AGAP1: variants seen among roughly 807,000 people sequenced by gnomAD.
AGAP1 encodes ArfGAP with GTPase domain, ankyrin repeat and PH domain 1.
In AGAP1, 29 loss-of-function variants were observed where a neutral mutation model predicts 105.3. The ratio of observed to expected loss-of-function variants is 0.28; its 90% CI spans 0.21 to 0.38. The LOEUF (loss-of-function observed/expected upper bound fraction) is 0.38, where lower values mean the gene tolerates loss of function less well. Ranked by LOEUF, AGAP1 falls within the 10% of genes least tolerant of loss-of-function variation. The pLI is 1.00. For missense variants in AGAP1, 998 were observed against 1,165.1 expected (o/e 0.86, Z 2.09); for synonymous variants, 509 against 485.9 (o/e 1.05, Z -0.63).
chr2:236,092,549 G>A lies in AGAP1; in HGVS notation c.2115-27643G>A, dbSNP rs961494203. ...GCTGGGATTACAGGTGTCCGCCACC[G>A]TGCCCAGCTAATTTTTGTATTTTTA... On this transcript the variant is annotated intron_variant, in intron 16 of 17. Coordinates refer to ENST00000304032, the MANE Select transcript of AGAP1 (RefSeq NM_001037131.3). The surrounding 1 kb of genome is among the most constrained non-coding windows in gnomAD (Gnocchi z 4.7). 2.6e-5 allele frequency among the ~76,000 whole-genome samples: 4 copies of A among 151,976 alleles called. No individual in the cohort carries two copies. The highest frequency in any genetic ancestry group is 6.6e-5 in the Admixed American group (1 of 15,258).
At position 235,690,959 on chromosome 2, in the gene AGAP1, A is replaced by G. The variant is rs1379733890; in HGVS notation, c.164-18220A>G. Reference sequence around the variant, plus strand: ...TCGTGGCTGCTATTTTAGATATGCCAGGAGCCTTCTTGGAAGTCGCTCACC... The same window carrying G: ...TCGTGGCTGCTATTTTAGATATGCCGGGAGCCTTCTTGGAAGTCGCTCACC... On this transcript the variant is annotated intron_variant, in intron 1 of 17. Coordinates refer to ENST00000304032, the MANE Select transcript of AGAP1 (RefSeq NM_001037131.3). The surrounding 1 kb of genome is among the most constrained non-coding windows in gnomAD (Gnocchi z 4.1). 6.6e-6 allele frequency among the ~76,000 whole-genome samples: 1 copy of G among 152,170 alleles called. No individual in the cohort carries two copies. The highest frequency in any genetic ancestry group is 2.4e-5 in the African/African-American group (1 of 41,440).
chr2:236,008,799 TG>T (rs1559186517), intron 13 of AGAP1, among the ~76,000 whole-genome samples: 1 of 152,244 alleles, frequency 6.6e-6, no homozygotes, highest in Non-Finnish European at 1.5e-5. Flanking sequence ...TCATATTTGC[TG>T]TAAAGAAAGA....
intron 9 of AGAP1, among the ~76,000 whole-genome samples, chr2:235,817,236 T>A (rs531922773): frequency 6.6e-6 from 1 of 152,162 alleles, no homozygotes; most frequent in South Asian, 2.1e-4. Context: ...GACTGTGCAC[T>A]CTGTCCCAAG....
rs1452198859 is a variant in AGAP1, at chr2:235,855,927, C to A, written c.1051-27418C>A. On this transcript the variant is annotated intron_variant, in intron 9 of 17. Transcript: ENST00000304032. This position sits in a 1 kb window ranked among gnomAD's most constrained non-coding sequence, Gnocchi z 5.0. ...TTATTATCATTATTATTATTATTTT[C>A]TTTTGAGATGGAGTCTCGCTCTGTC... Among the ~76,000 whole-genome samples the A allele has an allele frequency of 6.6e-6, 1 of 151,876 alleles. No homozygotes were observed. The highest frequency in any genetic ancestry group is 1.5e-5 in the Non-Finnish European group (1 of 67,970).
rs535076203 is a variant in AGAP1 at position 235,961,309 on chromosome 2, C to G, written c.1484-7153C>G. On this transcript the variant is annotated intron_variant, in intron 12 of 17. Transcript: ENST00000304032. This position sits in a 1 kb window ranked among gnomAD's most constrained non-coding sequence, Gnocchi z 5.9. The stretch of plus-strand genomic sequence containing the variant: ...TGGAGTCTAAAACTTCCTGGTGTCC[C>G]TTCTGCCTGCCTAGCAGAACCCCTC... Among the ~76,000 whole-genome samples the G allele has an allele frequency of 6.6e-6, 1 of 152,318 alleles. No homozygotes were observed. The highest frequency in any genetic ancestry group is 2.1e-4 in the South Asian group (1 of 4,830).
At chr2:235,722,310 T>G (rs1951426796) in intron 3 of AGAP1, among the ~76,000 whole-genome samples, 1 of 152,212 alleles carries the variant, frequency 6.6e-6, no homozygotes. Context: ...TTCTGCAGAC[T>G]TTGAGGTTGA....
Position 235,889,646 on chromosome 2 carries a change from C to T in AGAP1, c.1155+6197C>T, listed in dbSNP as rs1425861741. ...GTTCCTTTGACTTGCAGCTCAGCCT[C>T]ACTCTGTCCTTTACTTAGGACATAA... is the stretch of plus-strand genomic sequence containing the variant. On this transcript the variant is annotated intron_variant, in intron 10 of 17. Coordinates refer to ENST00000304032, the MANE Select transcript of AGAP1 (RefSeq NM_001037131.3). The surrounding 1 kb of genome is among the most constrained non-coding windows in gnomAD (Gnocchi z 4.6). 6.6e-6 allele frequency among the ~76,000 whole-genome samples: 1 copy of T among 151,672 alleles called. No individual in the cohort carries two copies. Among genetic ancestry groups the T allele is most frequent in the Non-Finnish European group, 1.5e-5 (1 of 68,002 alleles).
intron 13 of AGAP1, among the ~76,000 whole-genome samples, chr2:236,017,406 A>G (rs893054437): frequency 8.5e-5 from 13 of 152,160 alleles, no homozygotes; most frequent in African/African-American, 2.9e-4. Flanking sequence ...TTCACTGTCT[A>G]TAAAGTGACC....
Position 235,719,453 on chromosome 2 carries a change from T to C in AGAP1, c.310+1809T>C, listed in dbSNP as rs1430403707. On this transcript the variant is annotated intron_variant, in intron 3 of 17. Transcript: ENST00000304032. The surrounding 1 kb of genome is among the most constrained non-coding windows in gnomAD (Gnocchi z 4.9). ...ATGTTGACTCACACCAAAGCATTTC[T>C]CTTGAACGTTTATACATCAAAAGGA... Among the ~76,000 whole-genome samples, 1 of 152,218 alleles carries C rather than the reference T, an allele frequency of 6.6e-6. No homozygotes were observed. The highest frequency in any genetic ancestry group is 2.4e-5 in the African/African-American group (1 of 41,460).
At chr2:235,735,853 A>G (rs545488066) in intron 3 of AGAP1, among the ~76,000 whole-genome samples, 2 of 152,122 alleles carry the variant, frequency 1.3e-5, no homozygotes, top group African/African-American at 4.8e-5. Flanking sequence ...TACATTGCAC[A>G]TTGCACTTGA....
At chr2:235,687,374 G>A (rs538393726) in intron 1 of AGAP1, among the ~76,000 whole-genome samples, 4 of 152,230 alleles carry the variant, frequency 2.6e-5, no homozygotes, top group South Asian at 4.1e-4. Flanking sequence ...TCCTAGGTGG[G>A]GAGTGCTAAC....
intron 1 of AGAP1, among the ~76,000 whole-genome samples, chr2:235,546,814 G>A (rs1272958153): frequency 2.6e-5 from 4 of 152,180 alleles, no homozygotes; most frequent in Non-Finnish European, 4.4e-5. Flanking sequence ...TACCTTGGTA[G>A]TCATTAGTTT....
At chr2:235,679,737 G>A (rs1013566821) in intron 1 of AGAP1, among the ~76,000 whole-genome samples, 1 of 152,192 alleles carries the variant, frequency 6.6e-6, no homozygotes, top group Admixed American at 6.5e-5. Flanking sequence ...TGGCACCAGA[G>A]AGCATTGCCT....
chr2:235,802,708 A>G (rs1268111319), intron 8 of AGAP1, among the ~76,000 whole-genome samples: 18 of 41,464 alleles, frequency 4.3e-4, no homozygotes, highest in East Asian at 2.3e-3. Flanking sequence ...TGGTTGTGAT[A>G]ATGATGGTTG....
intron 16 of AGAP1, among the ~76,000 whole-genome samples, chr2:236,086,315 TCTTC>T (rs2058927754): frequency 6.6e-6 from 1 of 152,216 alleles, no homozygotes; most frequent in Non-Finnish European, 1.5e-5. Flanking sequence ...TAACTCTCTG[TCTTC>T]TTCAGTCTGT....
rs1310135376 is a variant in AGAP1 at position 235,957,541 on chromosome 2, A to G, written c.1484-10921A>G. Among the ~76,000 whole-genome samples the G allele has an allele frequency of 6.6e-6, 1 of 152,206 alleles. No homozygotes were observed. Among genetic ancestry groups the G allele is most frequent in the East Asian group, 1.9e-4 (1 of 5,198 alleles). On this transcript the variant is annotated intron_variant, in intron 12 of 17. Transcript: ENST00000304032. The surrounding 1 kb of genome is among the most constrained non-coding windows in gnomAD (Gnocchi z 4.6). ...GCCAGTCTCTGAAACATCTTCAGAG[A>G]TGGGGAATTCAAGTCAACCTCCTCC...
chr2:235,840,891 A>G (rs1032898254), intron 9 of AGAP1, among the ~76,000 whole-genome samples: 5 of 152,040 alleles, frequency 3.3e-5, no homozygotes, highest in Non-Finnish European at 5.9e-5. Flanking sequence ...AATGAGAGCT[A>G]AGGACCACTG....
chr2:235,889,546 C>T lies in AGAP1; in HGVS notation c.1155+6097C>T, dbSNP rs1205068137. Among the ~76,000 whole-genome samples the T allele has an allele frequency of 8.5e-5, 12 of 140,978 alleles. No individual in the cohort carries two copies. Among genetic ancestry groups the T allele is most frequent in the Admixed American group, 1.4e-4 (2 of 14,104 alleles). 92.5% of individuals were successfully genotyped at this position (140,978 alleles called of 152,430 possible). ...CGTCATCCCCCAAAAGTGTCTTTGC[C>T]TTTTTTTTTTTTTTTTAGCCCTGAG... On this transcript the variant is annotated intron_variant, in intron 10 of 17. Transcript: ENST00000304032. The surrounding 1 kb of genome is among the most constrained non-coding windows in gnomAD (Gnocchi z 4.6).
At position 235,744,916 on chromosome 2, in the gene AGAP1, A is replaced by G. The variant is rs1952810318; in HGVS notation, c.538+77A>G. 6.5e-7 allele frequency: 1 copy of G among 1,537,584 alleles called. No homozygotes were observed. Among genetic ancestry groups the G allele is most frequent in the African/African-American group, 1.4e-5 (1 of 72,468 alleles). On this transcript the variant is annotated intron_variant, in intron 5 of 17. Transcript: ENST00000304032. This position sits in a 1 kb window ranked among gnomAD's most constrained non-coding sequence, Gnocchi z 5.2. Reference sequence around the variant, plus strand: ...ATTTTCAGTATGGAGGAGTTTAAAAAATGCTTTAAAGAAGGAAAAATTGCC... The same window carrying G: ...ATTTTCAGTATGGAGGAGTTTAAAAGATGCTTTAAAGAAGGAAAAATTGCC...
Sources: gnomAD v4.1 joint callset for allele counts (sites outside exome capture counted in the v4.1 genomes callset) on GRCh38, gnomAD v4.1.1 for gene constraint, Gnocchi (gnomAD v3.1) non-coding constraint, MANE v1.5 for transcripts, NCBI Gene and HGNC (gene_info 2026-07-23, HGNC 2026-07-21) for gene names.